Variants in P2RY13 observed in about 807,000 individuals in gnomAD.
The protein encoded by P2RY13 is purinergic receptor P2Y13.
For synonymous variants in P2RY13, 150 were observed against 155.1 expected (o/e 0.97, Z 0.24); for missense variants, 412 against 418.4 (o/e 0.98, Z 0.13).
rs1749988571 is a variant in P2RY13 at position 151,328,713 on chromosome 3, C to A, written c.343G>T (p.Val115Leu). 2 of 1,613,868 alleles carry A rather than the reference C, an allele frequency of 1.2e-6. No homozygotes were observed. Among genetic ancestry groups the A allele is most frequent in the Admixed American group, 1.7e-5 (1 of 59,974 alleles). Residue 115 changes from valine (V) to leucine (L), a missense_variant, in exon 2 of 2, where the codon GTG (valine) becomes TTG (leucine). Physicochemically the swap from Val to Leu is conservative, Grantham distance 32 (BLOSUM62 1). Transcript: ENST00000325602. ...HLAPWQLRAF[V>L]CRFSSVIFYE... ...AATATCACCGAAGAAAAACGACACA[C>A]AAAAGCTCTGAGCTGCCAGGGTGCC...
At position 151,328,037 on chromosome 3, in the gene P2RY13, C is replaced by A; in HGVS notation, c.1019G>T (p.Ser340Ile). The A allele has an allele frequency of 1.9e-6, 3 of 1,597,776 alleles. No individual in the cohort carries two copies. Among genetic ancestry groups the A allele is most frequent in the Non-Finnish European group, 2.6e-6 (3 of 1,174,188 alleles). The change falls in exon 2 of 2, where the codon AGC (serine) becomes ATC (isoleucine). Residue 340 changes from serine to isoleucine, a missense_variant. Coordinates refer to ENST00000325602, the MANE Select transcript of P2RY13 (RefSeq NM_176894.3). ...CMQGRKTTAS[S>I]QENHSSQTDN... ...TGTCTGACTGCTATGATTTTCTTGG[C>A]TTGATGCTGTGGTCTTTCTCCCTTG... is the stretch of plus-strand genomic sequence containing the variant.
chr3:151,327,907 A>G lies in P2RY13; in HGVS notation c.*84T>C, dbSNP rs983401630. The G allele has an allele frequency of 5.0e-6, 5 of 994,238 alleles. No individual in the cohort carries two copies. The African/African-American group carries it at 6.5e-5, about 13-fold the overall frequency. The allele number at this position is 994,238 out of a possible 1,614,324, so 61.6% of individuals were successfully genotyped here. A position where few individuals can be genotyped will look rare whatever the true frequency, so the allele number is the denominator to read the frequency against. ...AAAATGTAAGAGAGCATTTGTTCCA[A>G]TCTTTTTTTCTTGGTTAAATTTGAT... On this transcript the variant is annotated 3_prime_UTR_variant, in exon 2 of 2. Transcript: ENST00000325602.
Position 151,329,020 on chromosome 3 carries a change from A to G in P2RY13, c.49-13T>C, listed in dbSNP as rs2149870527. The stretch of plus-strand genomic sequence containing the variant: ...CTTCCAGTGTCACCTGTTACCAATA[A>G]ACATATATACAAACAAAAGAAAACA... On this transcript the variant is annotated splice_polypyrimidine_tract_variant and intron_variant, in intron 1 of 1. Transcript: ENST00000325602. 2 of 1,554,512 alleles carry G rather than the reference A, an allele frequency of 1.3e-6. No homozygotes were observed. Among genetic ancestry groups the G allele is most frequent in the East Asian group, 4.5e-5 (2 of 44,410 alleles).
In P2RY13 at chr3:151,328,639, A is replaced by C. The variant is rs866620319; in HGVS notation, c.417T>G (p.Phe139Leu). Residue 139 changes from phenylalanine to leucine, a missense_variant, in exon 2 of 2, where the codon TTT becomes TTG. Coordinates refer to ENST00000325602, the MANE Select transcript of P2RY13 (RefSeq NM_176894.3). ...GTCTGATGATCTTGAGGAATCTGTC[A>C]AAGGCTATGAGCCCTAACAGCACGA... ...VGIVLLGLIA[F>L]DRFLKIIRPL... 6 of 1,613,912 alleles carry C rather than the reference A, an allele frequency of 3.7e-6. No homozygotes were observed. Among genetic ancestry groups the C allele is most frequent in the African/African-American group, 2.7e-5 (2 of 74,986 alleles).
chr3:151,327,756 A>G lies in P2RY13; in HGVS notation c.*235T>C, dbSNP rs1459270402. 2.8e-6 allele frequency: 1 copy of G among 363,090 alleles called. No homozygotes were observed. The allele number at this position is 363,090 out of a possible 1,614,324, so 22.5% of individuals were successfully genotyped here. A position where few individuals can be genotyped will look rare whatever the true frequency, so the allele number is the denominator to read the frequency against. ...AATTAAAAAAAAAAAAAAAGAAAGA[A>G]AGAAATAATGACCTCTAGTGGCCAT... is the stretch of plus-strand genomic sequence containing the variant. On this transcript the variant is annotated 3_prime_UTR_variant, in exon 2 of 2. Transcript: ENST00000325602.
chr3:151,328,491 A>T lies in P2RY13; in HGVS notation c.565T>A (p.Ser189Thr), dbSNP rs769647505. The T allele has an allele frequency of 6.2e-7, 1 of 1,614,016 alleles. No individual in the cohort carries two copies. Among genetic ancestry groups the T allele is most frequent in the Non-Finnish European group, 8.5e-7 (1 of 1,179,948 alleles). Reference sequence around the variant, plus strand: ...AAGGAAGCACACTTTTTCACAGACGATGGTGTTGCTTCCTTGTTGCTCAAG... The same window carrying T: ...AAGGAAGCACACTTTTTCACAGACGTTGGTGTTGCTTCCTTGTTGCTCAAG... ...TILSNKEATP[S>T]SVKKCASLKG... The change falls in exon 2 of 2, where the codon TCG becomes ACG. Residue 189 changes from serine to threonine, a missense_variant. Physicochemically the swap from Ser to Thr is moderately conservative, Grantham distance 58. Coordinates refer to ENST00000325602, the MANE Select transcript of P2RY13 (RefSeq NM_176894.3).
At position 151,327,734 on chromosome 3, in the gene P2RY13, TAA is replaced by T. The variant is rs63497161; in HGVS notation, c.*255_*256del. The T allele has an allele frequency of 0.016, 4,094 of 250,564 alleles. No homozygotes were observed. Among genetic ancestry groups the T allele is most frequent in the Middle Eastern group, 0.031 (26 of 836 alleles). 15.5% of individuals were successfully genotyped at this position (250,564 alleles called of 1,614,324 possible). On this transcript the variant is annotated 3_prime_UTR_variant, in exon 2 of 2. Transcript: ENST00000325602. ...TGTTAAAGTGAAATGCTCTTGAAATTAAAAAAAAAAAAAAAGAAAGAAAGAAA... is the reference window on the plus strand; with the variant it reads ...TGTTAAAGTGAAATGCTCTTGAAATTAAAAAAAAAAAAAGAAAGAAAGAAA...
In P2RY13 at chr3:151,326,741, G is replaced by T. The variant is rs1749644562; in HGVS notation, c.*1250C>A. ...TTTGAGGCCATGGAAGAAAACGTGGGCTTCACCCTACGATGGTCGTGTTGG... is the reference window on the plus strand; with the variant it reads ...TTTGAGGCCATGGAAGAAAACGTGGTCTTCACCCTACGATGGTCGTGTTGG... On this transcript the variant is annotated 3_prime_UTR_variant, in exon 2 of 2. Transcript: ENST00000325602. 6.6e-6 allele frequency: 1 copy of T among 152,216 alleles called. No homozygotes were observed. Among genetic ancestry groups the T allele is most frequent in the African/African-American group, 2.4e-5 (1 of 41,454 alleles). 9.4% of individuals were successfully genotyped at this position (152,216 alleles called of 1,614,324 possible). A position where few individuals can be genotyped will look rare whatever the true frequency, so the allele number is the denominator to read the frequency against.
In P2RY13 at chr3:151,326,396, CA is replaced by C. The variant is rs1301156637; in HGVS notation, c.*1594del. 1 of 152,372 alleles carries C rather than the reference CA, an allele frequency of 6.6e-6. No homozygotes were observed. Among genetic ancestry groups the C allele is most frequent in the Non-Finnish European group, 1.5e-5 (1 of 68,010 alleles). The allele number at this position is 152,372 out of a possible 1,614,324, so 9.4% of individuals were successfully genotyped here. A position where few individuals can be genotyped will look rare whatever the true frequency, so the allele number is the denominator to read the frequency against. ...ACATCAGTTACTAAAAGAGTAGATA[CA>C]AAGGTCAGGAAGTAATTACAATGCA... On this transcript the variant is annotated 3_prime_UTR_variant, in exon 2 of 2. Transcript: ENST00000325602.
Position 151,328,361 on chromosome 3 carries a change from G to T in P2RY13, c.695C>A (p.Ala232Glu). 1 of 1,609,288 alleles carries T rather than the reference G, an allele frequency of 6.2e-7. No homozygotes were observed. Among genetic ancestry groups the T allele is most frequent in the Non-Finnish European group, 8.5e-7 (1 of 1,178,578 alleles). Residue 232 changes from alanine (A) to glutamate (E), a missense_variant, in exon 2 of 2, where the codon GCA (alanine) becomes GAA (glutamate). Physicochemically the swap from Ala to Glu is moderately radical, Grantham distance 107 (BLOSUM62 -1). Coordinates refer to ENST00000325602, the MANE Select transcript of P2RY13 (RefSeq NM_176894.3). Reference sequence around the variant, plus strand: ...TCTATAAGAATCATATACTTTTTTTGCAATAACCACATAAAACACAAGCAT... The same window carrying T: ...TCTATAAGAATCATATACTTTTTTTTCAATAACCACATAAAACACAAGCAT... ...ILMLVFYVVI[A>E]KKVYDSYRKS...
In P2RY13 at chr3:151,326,900, A is replaced by G. The variant is rs1749667485; in HGVS notation, c.*1091T>C. The G allele has an allele frequency of 1.3e-5, 2 of 152,212 alleles. No individual in the cohort carries two copies. Among genetic ancestry groups the G allele is most frequent in the African/African-American group, 4.8e-5 (2 of 41,462 alleles). The allele number at this position is 152,212 out of a possible 1,614,324, so 9.4% of individuals were successfully genotyped here. A position where few individuals can be genotyped will look rare whatever the true frequency, so the allele number is the denominator to read the frequency against. On this transcript the variant is annotated 3_prime_UTR_variant, in exon 2 of 2. Transcript: ENST00000325602. Reference sequence around the variant, plus strand: ...CAGAAGGATGCAAGAAAAAATACCAAGGTAAATAAATACAAGCAGGGTCAC... The same window carrying G: ...CAGAAGGATGCAAGAAAAAATACCAGGGTAAATAAATACAAGCAGGGTCAC...
chr3:151,328,064 A>G lies in P2RY13; in HGVS notation c.992T>C (p.Met331Thr), dbSNP rs201083333. The change falls in exon 2 of 2, where the codon ATG (methionine) becomes ACG (threonine). Residue 331 changes from methionine to threonine, a missense_variant. Met to Thr is a moderately conservative substitution (Grantham distance 81). Transcript: ENST00000325602. ...TGATGCTGTGGTCTTTCTCCCTTGC[A>G]TACATGGTAGCTTTTCTGTGAATTT... ...CKKFTEKLPCMQGRKTTASSQ... is the reference protein window; with the variant it reads ...CKKFTEKLPCTQGRKTTASSQ... The G allele has an allele frequency of 3.4e-5, 55 of 1,609,882 alleles. No individual in the cohort carries two copies. The highest frequency in any genetic ancestry group is 4.2e-5 in the Non-Finnish European group (49 of 1,178,610).
In P2RY13 at chr3:151,326,588, T is replaced by C. The variant is rs191166506; in HGVS notation, c.*1403A>G. ...CTTCCAAGTGTACCAGGGGGAAATA[T>C]ACATGTGTGGTGCCAAAACAGAGTA... On this transcript the variant is annotated 3_prime_UTR_variant, in exon 2 of 2. Coordinates refer to ENST00000325602, the MANE Select transcript of P2RY13 (RefSeq NM_176894.3). The C allele has an allele frequency of 9.8e-5, 15 of 152,310 alleles. No individual in the cohort carries two copies. The highest frequency in any genetic ancestry group is 3.6e-4 in the African/African-American group (15 of 41,574). 9.4% of individuals were successfully genotyped at this position (152,310 alleles called of 1,614,324 possible).
intron 1 of P2RY13, 81 bp downstream of exon 1, chr3:151,329,400 A>T: frequency 1.2e-6 from 1 of 828,122 alleles, no homozygotes; most frequent in Non-Finnish European, 1.9e-6. Context: ...GTAGAATATT[A>T]ACTTTAAAGC....
Position 151,328,124 on chromosome 3 carries a change from C to T in P2RY13, c.932G>A (p.Cys311Tyr), listed in dbSNP as rs1025591839. 19 of 1,612,940 alleles carry T rather than the reference C, an allele frequency of 1.2e-5. No homozygotes were observed. Among genetic ancestry groups the T allele is most frequent in the Non-Finnish European group, 1.6e-5 (19 of 1,179,614 alleles). ...GAATATGTATATTAAGGGATCCATACAAATGTTAGTTGCTGCCAAAAAGAG... is the reference window on the plus strand; with the variant it reads ...GAATATGTATATTAAGGGATCCATATAAATGTTAGTTGCTGCCAAAAAGAG... ...TTLFLAATNI[C>Y]MDPLIYIFLC... The change falls in exon 2 of 2, where the codon TGT becomes TAT. Residue 311 changes from cysteine to tyrosine, a missense_variant. Physicochemically the swap from Cys to Tyr is radical, Grantham distance 194. Transcript: ENST00000325602.
Position 151,328,542 on chromosome 3 carries a change from A to G in P2RY13, c.514T>C (p.Phe172Leu), listed in dbSNP as rs201802200. 2.5e-6 allele frequency: 4 copies of G among 1,613,942 alleles called. No homozygotes were observed. Among genetic ancestry groups the G allele is most frequent in the East Asian group, 4.5e-5 (2 of 44,878 alleles). ...TVSIFIWFFL[F>L]FISLPNTILS... ...ATCGTATTTGGCAGGGAGATGAAGA[A>G]CAAAAAGAACCAGATGAAGATTGAG... The change falls in exon 2 of 2, where the codon TTC (phenylalanine) becomes CTC (leucine). Residue 172 changes from phenylalanine (F) to leucine (L), a missense_variant. Transcript: ENST00000325602.
rs545657330 is a variant in P2RY13 at position 151,327,941 on chromosome 3, T to C, written c.*50A>G. The C allele has an allele frequency of 1.3e-5, 17 of 1,287,638 alleles. No homozygotes were observed. In the South Asian group the frequency reaches 2.7e-4, roughly 20 times the overall value. 79.8% of individuals were successfully genotyped at this position (1,287,638 alleles called of 1,614,324 possible). A position where few individuals can be genotyped will look rare whatever the true frequency, so the allele number is the denominator to read the frequency against. On this transcript the variant is annotated 3_prime_UTR_variant, in exon 2 of 2. Coordinates refer to ENST00000325602, the MANE Select transcript of P2RY13 (RefSeq NM_176894.3). ...TCTTGGTTAAATTTGATTTCCACAT[T>C]ATCTACGGAAGTCTCATCAATAAAT...
rs963085531 is a variant in P2RY13 at position 151,327,887 on chromosome 3, G to A, written c.*104C>T. 1.2e-6 allele frequency: 1 copy of A among 813,280 alleles called. No homozygotes were observed. Among genetic ancestry groups the A allele is most frequent in the African/African-American group, 1.7e-5 (1 of 58,282 alleles). The allele number at this position is 813,280 out of a possible 1,614,324, so 50.4% of individuals were successfully genotyped here. ...TTTCTGTACACGAGGATAATAAAAT[G>A]TAAGAGAGCATTTGTTCCAATCTTT... On this transcript the variant is annotated 3_prime_UTR_variant, in exon 2 of 2. Coordinates refer to ENST00000325602, the MANE Select transcript of P2RY13 (RefSeq NM_176894.3).
chr3:151,328,435 T>C lies in P2RY13; in HGVS notation c.621A>G (p.Gln207=). 1 of 1,613,472 alleles carries C rather than the reference T, an allele frequency of 6.2e-7. No homozygotes were observed. ...LKGPLGLKWH[Q]MVNNICQFIF... Reference sequence around the variant, plus strand: ...TAAACTGGCATATGTTATTTACCATTTGATGCCATTTCAGCCCCAGAGGCC... The same window carrying C: ...TAAACTGGCATATGTTATTTACCATCTGATGCCATTTCAGCCCCAGAGGCC... The change falls in exon 2 of 2, where the codon CAA becomes CAG. Residue 207 remains glutamine (Q), a synonymous_variant. Transcript: ENST00000325602.
Sources: gnomAD v4.1 joint callset for allele counts on GRCh38, gnomAD v4.1.1 for gene constraint, MANE v1.5 for transcripts, NCBI Gene and HGNC (gene_info 2026-07-23, HGNC 2026-07-21) for gene names.